HPD: variants seen among roughly 807,000 people sequenced by gnomAD.
HPD encodes the protein 4-hydroxyphenylpyruvic acid oxidase.
HPD carries 35 observed loss-of-function variants against 56.9 expected under a neutral mutation model. The ratio of observed to expected loss-of-function variants is 0.62; its 90% CI spans 0.47 to 0.82. The LOEUF (loss-of-function observed/expected upper bound fraction) is 0.82, where lower values mean the gene tolerates loss of function less well. Among genes scored for constraint, HPD ranks in the 40% least tolerant of loss-of-function variants. The pLI, the probability that HPD is intolerant of heterozygous loss-of-function variation, is 0.00. For missense variants in HPD, 442 were observed against 506.8 expected (o/e 0.87, Z 1.23); for synonymous variants, 186 against 200.2 (o/e 0.93, Z 0.60).
chr12:121,861,230 G>T (rs7302187), upstream of HPD, among the ~76,000 whole-genome samples: 56,222 of 151,702 alleles, frequency 0.37, 10,989 homozygotes, highest in East Asian at 0.59. Context: ...CATCTACTTG[G>T]GAGGCTGAGA....
chr12:121,854,781 T>C lies in HPD; in HGVS notation c.336A>G (p.Glu112=), dbSNP rs761022712. The C allele has an allele frequency of 1.7e-5, 28 of 1,613,336 alleles. No homozygotes were observed. The East Asian group carries it at 6.2e-4, about 36-fold the overall frequency. Residue 112 remains glutamate, a synonymous_variant, in exon 7 of 14, where the codon GAA becomes GAG. Transcript: ENST00000289004. ...GCTCCCGCATGATTTTGGCGCCCCGTTCCCGTGCTTTCTGCAGAGAAGATG... is the reference window on the plus strand; with the variant it reads ...GCTCCCGCATGATTTTGGCGCCCCGCTCCCGTGCTTTCTGCAGAGAAGATG... ...DCDYIVQKAR[E]RGAKIMREPW... is the part of the protein sequence containing the mutation.
chr12:121,856,536 A>G (rs1474453085), intron 5 of HPD, 47 bp downstream of exon 5: 2 of 1,608,854 alleles, frequency 1.2e-6, no homozygotes, highest in Admixed American at 1.7e-5. Flanking sequence ...CCCAGAACCC[A>G]GATCCCACCC....
At chr12:121,847,008 A>G in intron 10 of HPD, 44 bp downstream of exon 10, 1 of 1,613,096 alleles carries the variant, frequency 6.2e-7, no homozygotes, top group South Asian at 1.1e-5. Context: ...GAGCCCCCAG[A>G]CCTCTTCCCT....
upstream of HPD, among the ~76,000 whole-genome samples, chr12:121,862,184 G>C (rs1878192417): frequency 6.6e-6 from 1 of 152,154 alleles, no homozygotes; most frequent in Non-Finnish European, 1.5e-5. Flanking sequence ...GCCATATGCT[G>C]TGCAAACATC....
chr12:121,877,094 CAA>C, the HPD span, among the ~76,000 whole-genome samples: 49,366 of 117,288 alleles, frequency 0.42, 8,958 homozygotes, highest in Non-Finnish European at 0.45. Context: ...ACTCCATCTC[CAA>C]AAAAAAAAAA....
At chr12:121,880,896 G>A in the HPD span, among the ~76,000 whole-genome samples, 1 of 152,276 alleles carries the variant, frequency 6.6e-6, no homozygotes, top group Non-Finnish European at 1.5e-5. Flanking sequence ...CCAGGCTCAA[G>A]CAATCCCCCC....
intron 11 of HPD, among the ~76,000 whole-genome samples, chr12:121,844,741 CGTG>C (rs1877519668): frequency 6.6e-6 from 1 of 151,536 alleles, no homozygotes; most frequent in Non-Finnish European, 1.5e-5. Context: ...ATTAGCTGGG[CGTG>C]GTGGTGGGAG....
upstream of HPD, chr12:121,858,942 G>C (rs878865892): frequency 8.4e-7 from 1 of 1,190,416 alleles, no homozygotes; most frequent in East Asian, 2.4e-5. Context: ...ATGGGGTGGG[G>C]AGCTGAGCCC....
chr12:121,884,078 T>C, the HPD span, among the ~76,000 whole-genome samples: 9 of 152,288 alleles, frequency 5.9e-5, no homozygotes, highest in South Asian at 1.9e-3. Context: ...ATTTCATCAA[T>C]TGGCCCAGTA....
intron 13 of HPD, 24 bp from the exon 14 acceptor site, chr12:121,839,862 G>C: frequency 6.2e-7 from 1 of 1,611,062 alleles, no homozygotes; most frequent in Non-Finnish European, 8.5e-7. Flanking sequence ...GAGAGGAGAT[G>C]AGCCAAGGAC....
chr12:121,843,744 T>A lies in HPD; in HGVS notation c.920A>T (p.Lys307Met). The change falls in exon 12 of 14, where the codon AAG becomes ATG. Residue 307 changes from lysine to methionine, a missense_variant. By Grantham distance (95) the Lys-to-Met change is moderately conservative. Coordinates refer to ENST00000289004, the MANE Select transcript of HPD (RefSeq NM_002150.3). ...ATCAATGTTCTCCTTCACCTTGATC[T>A]TGGCCGTCTTCAGCTTCTCCCGCAG... The part of the protein sequence containing the change: ...KQLREKLKTA[K>M]IKVKENIDAL... 1.9e-6 allele frequency: 3 copies of A among 1,614,156 alleles called. No individual in the cohort carries two copies. Among genetic ancestry groups the A allele is most frequent in the Non-Finnish European group, 2.5e-6 (3 of 1,180,016 alleles).
chr12:121,861,335 C>CA (rs34622089), upstream of HPD, among the ~76,000 whole-genome samples: 2,026 of 122,458 alleles, frequency 0.017, 52 homozygotes, highest in East Asian at 0.047. Context: ...GACTCTGTCT[C>CA]AAAAAAAAAA....
In HPD at chr12:121,839,692, G is replaced by T. The variant is rs1192110701; in HGVS notation, c.*36C>A. 7.1e-7 allele frequency: 1 copy of T among 1,409,160 alleles called. No homozygotes were observed. Among genetic ancestry groups the T allele is most frequent in the Non-Finnish European group, 1.0e-6 (1 of 993,254 alleles). 87.3% of individuals were successfully genotyped at this position (1,409,160 alleles called of 1,614,324 possible). A position where few individuals can be genotyped will look rare whatever the true frequency, so the allele number is the denominator to read the frequency against. On this transcript the variant is annotated 3_prime_UTR_variant, in exon 14 of 14. Transcript: ENST00000289004. ...GCGAGTTCCAGAATCAGGGGGCGTG[G>T]CTGTGTGGCTGTGGCCTCCGTGGGG...
At chr12:121,881,813 A>G in the HPD span, among the ~76,000 whole-genome samples, 1 of 137,606 alleles carries the variant, frequency 7.3e-6, no homozygotes, top group African/African-American at 2.4e-5. Flanking sequence ...TGCTCAGCTA[A>G]TTTTTTGTAT....
At chr12:121,858,879 G>T, upstream of HPD, 3 of 1,608,200 alleles carry the variant, frequency 1.9e-6, no homozygotes, top group Middle Eastern at 3.3e-4. Context: ...GTGCTGGGCC[G>T]GAGTATTTAA....
rs544631504 is a variant in HPD at position 121,853,445 on chromosome 12, G to A, written c.414+1258C>T. ...AGATCGAGACCATCCTGGATAACAC[G>A]GTGAAACCTCTACTAAAAATACAAA... is the stretch of plus-strand genomic sequence containing the variant. On this transcript the variant is annotated intron_variant, in intron 7 of 13. Coordinates refer to ENST00000289004, the MANE Select transcript of HPD (RefSeq NM_002150.3). Among the ~76,000 whole-genome samples, 72 of 150,262 alleles carry A rather than the reference G, an allele frequency of 4.8e-4. No homozygotes were observed. In the South Asian group the frequency reaches 0.015, roughly 31 times the overall value.
chr12:121,886,877 C>G, the HPD span, among the ~76,000 whole-genome samples: 1 of 152,044 alleles, frequency 6.6e-6, no homozygotes, highest in Admixed American at 6.6e-5. Context: ...CATTATTTCT[C>G]TCTTCCTCCC....
At chr12:121,870,085 A>ATT in the HPD span, among the ~76,000 whole-genome samples, 5 of 140,092 alleles carry the variant, frequency 3.6e-5, no homozygotes, top group South Asian at 6.8e-4. Flanking sequence ...GCGTAAGCTG[A>ATT]TTTTTTTTTT....
chr12:121,851,875 AC>A (rs1419978496), intron 7 of HPD, among the ~76,000 whole-genome samples: 1 of 29,634 alleles, frequency 3.4e-5, no homozygotes, highest in African/African-American at 1.3e-4. Flanking sequence ...ACGCCCGGCT[AC>A]TTTTTTGTAT....
Sources: gnomAD v4.1 joint callset for allele counts (sites outside exome capture counted in the v4.1 genomes callset) on GRCh38, gnomAD v4.1.1 for gene constraint, MANE v1.5 for transcripts, NCBI Gene and HGNC (gene_info 2026-07-23, HGNC 2026-07-21) for gene names.